SBNO1: variants seen among roughly 807,000 people sequenced by gnomAD.
SBNO1 encodes protein strawberry notch homolog 1.
A neutral mutation model predicts 173.6 loss-of-function variants in SBNO1; 23 were observed. The observed-to-expected ratio is 0.13, with a 90% CI of 0.10 to 0.19. SBNO1 has a LOEUF of 0.19. Among genes scored for constraint, SBNO1 ranks in the 10% least tolerant of loss-of-function variants. The probability of loss-of-function intolerance (pLI) is 1.00; values close to 1 mark genes in which losing one functional copy is unlikely to be tolerated. For missense variants in SBNO1, 1,238 were observed against 1,671.2 expected (o/e 0.74, Z 4.52); for synonymous variants, 632 against 571.5 (o/e 1.11, Z -1.51).
rs768638574 is a variant in SBNO1 at position 123,289,379 on chromosome 12, T to C, written c.*6529A>G. ...CGAAAGGCTGGATGCAGCAATGCAG[T>C]ATCATTGGAACAGGGCGCACCCTTC... is the stretch of plus-strand genomic sequence containing the variant. On this transcript the variant is annotated 3_prime_UTR_variant, in exon 32 of 32. Transcript: ENST00000602398. 6.6e-6 allele frequency: 1 copy of C among 152,242 alleles called. No individual in the cohort carries two copies. The highest frequency in any genetic ancestry group is 1.5e-5 in the Non-Finnish European group (1 of 68,046). 9.4% of individuals were successfully genotyped at this position (152,242 alleles called of 1,614,324 possible).
chr12:123,307,905 C>A (rs2048959917), intron 28 of SBNO1, among the ~76,000 whole-genome samples: 1 of 152,134 alleles, frequency 6.6e-6, no homozygotes, highest in African/African-American at 2.4e-5. Context: ...AACCCTGTCT[C>A]TACTAAAAAT....
intron 29 of SBNO1, among the ~76,000 whole-genome samples, chr12:123,303,318 A>C (rs1401893622): frequency 2.6e-5 from 4 of 152,194 alleles, no homozygotes. Flanking sequence ...TTAGCACTGG[A>C]AGCTTCCTTT....
chr12:123,360,246 CAA>C lies in SBNO1; in HGVS notation c.-1+4453_-1+4454del, dbSNP rs56346382. On this transcript the variant is annotated intron_variant, in intron 1 of 31. Transcript: ENST00000602398. Reference sequence around the variant, plus strand: ...CGGTGACAAGAGTGAAACACCATCTCAAAAAAAAAAAAAAATGTATCTTTACA... The same window carrying C: ...CGGTGACAAGAGTGAAACACCATCTCAAAAAAAAAAAAATGTATCTTTACA... 3.0e-3 allele frequency among the ~76,000 whole-genome samples: 417 copies of C among 140,644 alleles called. 2 individuals are homozygous for C. Among genetic ancestry groups the C allele is most frequent in the African/African-American group, 2.7e-3 (101 of 37,904 alleles). 92.3% of individuals were successfully genotyped at this position (140,644 alleles called of 152,430 possible). A position where few individuals can be genotyped will look rare whatever the true frequency, so the allele number is the denominator to read the frequency against.
At chr12:123,341,124 AATTC>A in intron 4 of SBNO1, 36 bp from the exon 5 acceptor site, 1 of 1,218,304 alleles carries the variant, frequency 8.2e-7, no homozygotes, top group South Asian at 1.3e-5. Context: ...TTTAGAAGAA[AATTC>A]TGAACTTATT....
intron 4 of SBNO1, among the ~76,000 whole-genome samples, chr12:123,341,656 G>A (rs1160372039): frequency 6.6e-6 from 1 of 151,754 alleles, no homozygotes; most frequent in Non-Finnish European, 1.5e-5. Context: ...CAAGTAGCTG[G>A]GATTACAGGA....
chr12:123,308,453 G>A lies in SBNO1; in HGVS notation c.3630+857C>T, dbSNP rs562341130. Among the ~76,000 whole-genome samples the A allele has an allele frequency of 1.3e-3, 201 of 150,886 alleles. 1 individual carries two copies. The highest frequency in any genetic ancestry group is 4.5e-3 in the African/African-American group (184 of 41,130). ...TGGGAGGCCAAGGCGGGCAGATCAC[G>A]AGGTCAGGAGATCGAGACCATCTTG... On this transcript the variant is annotated intron_variant, in intron 28 of 31. Coordinates refer to ENST00000602398, the MANE Select transcript of SBNO1 (RefSeq NM_001167856.3).
intron 28 of SBNO1, among the ~76,000 whole-genome samples, chr12:123,305,046 G>A (rs1038358577): frequency 3.3e-5 from 5 of 152,190 alleles, no homozygotes; most frequent in African/African-American, 1.2e-4. Context: ...TCCCAGTCAA[G>A]CAGCCTCAGA....
At chr12:123,305,819 G>A (rs1240034823) in intron 28 of SBNO1, among the ~76,000 whole-genome samples, 2 of 152,112 alleles carry the variant, frequency 1.3e-5, no homozygotes, top group Admixed American at 1.3e-4. Context: ...ACTTTAAGAG[G>A]AAGGAGTTAC....
At chr12:123,350,573 C>T (rs1873757669) in intron 1 of SBNO1, 132 bp from the exon 2 acceptor site, 1 of 731,086 alleles carries the variant, frequency 1.4e-6, no homozygotes, top group Non-Finnish European at 2.3e-6. Context: ...CCTGCCATGT[C>T]TCAGACAAAG....
intron 21 of SBNO1, among the ~76,000 whole-genome samples, chr12:123,316,700 CTTCTTT>C (rs1405626197): frequency 4.2e-5 from 4 of 95,616 alleles, no homozygotes; most frequent in Non-Finnish European, 1.0e-4. Context: ...TTCTTTTCTT[CTTCTTT>C]TTTTTTTTTT....
At position 123,332,555 on chromosome 12, in the gene SBNO1, G is replaced by A. The variant is rs550554543; in HGVS notation, c.910-1180C>T. Among the ~76,000 whole-genome samples the A allele has an allele frequency of 6.4e-4, 96 of 151,066 alleles. 1 individual carries two copies. Among genetic ancestry groups the A allele is most frequent in the Non-Finnish European group, 8.0e-4 (54 of 67,836 alleles). On this transcript the variant is annotated intron_variant, in intron 7 of 31. Transcript: ENST00000602398. ...GATCCGCCAGCTTCAGCCTCCCAAA[G>A]TGCCCGGCCAGTGGTTTTTTAGTTT...
Position 123,340,849 on chromosome 12 carries a change from A to G in SBNO1, c.651+139T>C, listed in dbSNP as rs2139039482. The G allele has an allele frequency of 4.8e-6, 3 of 628,302 alleles. No homozygotes were observed. In the East Asian group the frequency reaches 8.9e-5, roughly 19 times the overall value. 38.9% of individuals were successfully genotyped at this position (628,302 alleles called of 1,614,324 possible). ...TATATTACTCCAGCGAGGTTTAAGCATATCCATTAGTTCCCACGCCTGTAT... is the reference window on the plus strand; with the variant it reads ...TATATTACTCCAGCGAGGTTTAAGCGTATCCATTAGTTCCCACGCCTGTAT... On this transcript the variant is annotated intron_variant, in intron 5 of 31. Transcript: ENST00000602398.
chr12:123,359,011 G>C (rs951733287), intron 1 of SBNO1, among the ~76,000 whole-genome samples: 4 of 151,458 alleles, frequency 2.6e-5, no homozygotes, highest in Non-Finnish European at 5.9e-5. Flanking sequence ...TGGCTCACTG[G>C]AAGCTCTGCC....
intron 9 of SBNO1, 87 bp downstream of exon 9, chr12:123,330,332 C>T: frequency 2.5e-6 from 2 of 790,196 alleles, no homozygotes; most frequent in Non-Finnish European, 4.2e-6. Flanking sequence ...CAAAAAGTGT[C>T]CCCTTATATA....
At position 123,293,715 on chromosome 12, in the gene SBNO1, T is replaced by A. The variant is rs976552914; in HGVS notation, c.*2193A>T. The A allele has an allele frequency of 6.6e-6, 1 of 152,084 alleles. No homozygotes were observed. The highest frequency in any genetic ancestry group is 1.5e-5 in the Non-Finnish European group (1 of 68,028). 9.4% of individuals were successfully genotyped at this position (152,084 alleles called of 1,614,324 possible). ...AACATTACATCATAGGCCATGGGGGTTGTCACTTAGCTGCATGCTAAGAAT... is the reference window on the plus strand; with the variant it reads ...AACATTACATCATAGGCCATGGGGGATGTCACTTAGCTGCATGCTAAGAAT... On this transcript the variant is annotated 3_prime_UTR_variant, in exon 32 of 32. Coordinates refer to ENST00000602398, the MANE Select transcript of SBNO1 (RefSeq NM_001167856.3).
chr12:123,293,341 G>C lies in SBNO1; in HGVS notation c.*2567C>G, dbSNP rs557306104. On this transcript the variant is annotated 3_prime_UTR_variant, in exon 32 of 32. Transcript: ENST00000602398. ...GGCCTCCCGAAGTGCTGGGATTATA[G>C]GAGTGAGCCACCACGCCCGGCTACG... The C allele has an allele frequency of 6.6e-6, 1 of 152,294 alleles. No individual in the cohort carries two copies. The highest frequency in any genetic ancestry group is 2.4e-5 in the African/African-American group (1 of 41,562). 9.4% of individuals were successfully genotyped at this position (152,294 alleles called of 1,614,324 possible). A position where few individuals can be genotyped will look rare whatever the true frequency, so the allele number is the denominator to read the frequency against.
chr12:123,360,804 C>CTT (rs1875064471), intron 1 of SBNO1, among the ~76,000 whole-genome samples: 1 of 151,868 alleles, frequency 6.6e-6, no homozygotes, highest in Non-Finnish European at 1.5e-5. Flanking sequence ...TTCAACAGTA[C>CTT]TTTCAGTAAG....
In SBNO1 at chr12:123,347,305, C is replaced by A. The variant is rs1286593789; in HGVS notation, c.237+724G>T. On this transcript the variant is annotated intron_variant, in intron 3 of 31. Transcript: ENST00000602398. ...GCAGCGGTCCCATCTCGGCTCACTGCAAGTTCTACCTCCCGGGTACATGCC... is the reference window on the plus strand; with the variant it reads ...GCAGCGGTCCCATCTCGGCTCACTGAAAGTTCTACCTCCCGGGTACATGCC... 2.0e-5 allele frequency among the ~76,000 whole-genome samples: 3 copies of A among 151,762 alleles called. No individual in the cohort carries two copies. The East Asian group carries it at 5.9e-4, about 30-fold the overall frequency.
At chr12:123,341,664 G>A (rs1872585760) in intron 4 of SBNO1, among the ~76,000 whole-genome samples, 1 of 151,792 alleles carries the variant, frequency 6.6e-6, no homozygotes, top group Non-Finnish European at 1.5e-5. Context: ...TGGGATTACA[G>A]GAATGCGCCA....
Sources: gnomAD v4.1 joint callset for allele counts (sites outside exome capture counted in the v4.1 genomes callset) on GRCh38, gnomAD v4.1.1 for gene constraint, MANE v1.5 for transcripts, NCBI Gene and HGNC (gene_info 2026-07-23, HGNC 2026-07-21) for gene names.